The following FSTL4 variants were observed in gnomAD, a reference collection of about 807,000 sequenced individuals.
The protein encoded by FSTL4 is follistatin-related protein 4.
Under a neutral mutation model 78.2 loss-of-function variants are expected in FSTL4, and 28 were observed. That is an observed-to-expected ratio of 0.36 (90% CI 0.27 to 0.49). The LOEUF is 0.49. Ranked by LOEUF, FSTL4 falls within the 20% of genes least tolerant of loss-of-function variation. FSTL4 has a pLI of 0.98. For synonymous variants in FSTL4, 422 were observed against 440.5 expected (o/e 0.96, Z 0.53); for missense variants, 922 against 1,084.9 (o/e 0.85, Z 2.11).
At chr5:133,319,198 C>T (rs1252580399) in intron 4 of FSTL4, among the ~76,000 whole-genome samples, 1 of 152,222 alleles carries the variant, frequency 6.6e-6, no homozygotes. Flanking sequence ...GCCCAACAGA[C>T]ACCTTCTGGT....
At chr5:133,445,543 T>C (rs1398744751) in intron 3 of FSTL4, among the ~76,000 whole-genome samples, 1 of 152,170 alleles carries the variant, frequency 6.6e-6, no homozygotes, top group Non-Finnish European at 1.5e-5. Flanking sequence ...AGGCCCTCTG[T>C]TCAAGGACTC....
intron 6 of FSTL4, among the ~76,000 whole-genome samples, chr5:133,279,332 T>A (rs1227807308): frequency 6.6e-6 from 1 of 152,194 alleles, no homozygotes; most frequent in South Asian, 2.1e-4. Context: ...GGTAATGTGC[T>A]CCTTATGAGA....
rs115238694 is a variant in FSTL4 at position 133,245,420 on chromosome 5, G to A, written c.894+3990C>T. The stretch of plus-strand genomic sequence containing the variant: ...TGTCACTCCCCCATCAAACATCTGC[G>A]CTTCCCCACTGCCCACAGGGCAATT... On this transcript the variant is annotated intron_variant, in intron 7 of 15. Coordinates refer to ENST00000265342, the MANE Select transcript of FSTL4 (RefSeq NM_015082.2). Among the ~76,000 whole-genome samples, 819 of 152,320 alleles carry A rather than the reference G, an allele frequency of 5.4e-3. 9 individuals are homozygous for A. Among genetic ancestry groups the A allele is most frequent in the African/African-American group, 0.019 (798 of 41,568 alleles).
intron 3 of FSTL4, among the ~76,000 whole-genome samples, chr5:133,504,487 A>G (rs558342743): frequency 6.6e-6 from 1 of 152,194 alleles, no homozygotes; most frequent in South Asian, 2.1e-4. Flanking sequence ...TTACAACAGA[A>G]TAATCCTTTA....
chr5:133,480,621 A>AGAGCCCTGGTATGGACGCGGTGG (rs1758007372), intron 3 of FSTL4, among the ~76,000 whole-genome samples: 2 of 152,048 alleles, frequency 1.3e-5, no homozygotes, highest in Admixed American at 1.3e-4. Flanking sequence ...AGAGGGTGAC[A>AGAGCCCTGGTATGGACGCGGTGG]GAGCCCTGGT....
chr5:133,450,852 G>A (rs1156541249), intron 3 of FSTL4, among the ~76,000 whole-genome samples: 1 of 152,188 alleles, frequency 6.6e-6, no homozygotes, highest in African/African-American at 2.4e-5. Flanking sequence ...CAGGGCTGCA[G>A]ACCAATGGGG....
the FSTL4 span, among the ~76,000 whole-genome samples, chr5:133,778,497 C>A: frequency 6.6e-6 from 1 of 152,216 alleles, no homozygotes; most frequent in Non-Finnish European, 1.5e-5. Flanking sequence ...GACTCCAACT[C>A]AACCCAATTG....
At chr5:133,701,503 A>AC in the FSTL4 span, among the ~76,000 whole-genome samples, 1 of 129,738 alleles carries the variant, frequency 7.7e-6, no homozygotes, top group Non-Finnish European at 1.7e-5. Flanking sequence ...ACACACACAC[A>AC]CACACACCCC....
chr5:133,285,825 T>TC (rs777456236), intron 6 of FSTL4, among the ~76,000 whole-genome samples: 32 of 152,336 alleles, frequency 2.1e-4, no homozygotes, highest in Non-Finnish European at 4.1e-4. Context: ...TCCATAAACC[T>TC]CAGGATGGGC....
intron 3 of FSTL4, among the ~76,000 whole-genome samples, chr5:133,416,890 C>T (rs962075594): frequency 1.3e-5 from 2 of 152,128 alleles, no homozygotes; most frequent in African/African-American, 4.8e-5. Context: ...TTCTTTCTAT[C>T]GAGGACATAT....
At chr5:133,370,079 C>A (rs1313444369) in intron 4 of FSTL4, among the ~76,000 whole-genome samples, 1 of 152,184 alleles carries the variant, frequency 6.6e-6, no homozygotes. Context: ...GGCCACCCAG[C>A]TCTTACTGTT....
the FSTL4 span, among the ~76,000 whole-genome samples, chr5:133,823,182 G>C: frequency 1.3e-5 from 2 of 152,174 alleles, no homozygotes; most frequent in Admixed American, 6.5e-5. Flanking sequence ...GCCCAGAGCT[G>C]GTCACCACCA....
chr5:133,470,634 A>G (rs553085818), intron 3 of FSTL4, among the ~76,000 whole-genome samples: 328 of 152,144 alleles, frequency 2.2e-3, no homozygotes, highest in Middle Eastern at 0.01. Flanking sequence ...AATCACAGCT[A>G]CTCAGGAGGC....
intron 11 of FSTL4, among the ~76,000 whole-genome samples, chr5:133,221,900 T>TTTTTG (rs1751128470): frequency 4.3e-5 from 4 of 92,892 alleles, no homozygotes; most frequent in African/African-American, 2.9e-4. Flanking sequence ...AGTTTTTTTT[T>TTTTTG]TTTTTTTTTT....
At chr5:133,335,801 C>G (rs968356734) in intron 4 of FSTL4, among the ~76,000 whole-genome samples, 5 of 152,032 alleles carry the variant, frequency 3.3e-5, no homozygotes, top group Middle Eastern at 6.4e-3. Context: ...GGCCCTGATG[C>G]ACCAACACTG....
At chr5:133,238,750 T>G (rs973288172) in intron 7 of FSTL4, among the ~76,000 whole-genome samples, 1 of 152,260 alleles carries the variant, frequency 6.6e-6, no homozygotes, top group African/African-American at 2.4e-5. Flanking sequence ...TCCCTAGTGC[T>G]GACCTTCCCG....
chr5:133,781,368 TGTGTGTG>T, the FSTL4 span, among the ~76,000 whole-genome samples: 2 of 640 alleles, frequency 3.1e-3, no homozygotes, highest in East Asian at 0.038. Context: ...TAAGCGGTTG[TGTGTGTG>T]TGTGTGTGTG....
chr5:133,667,967 A>T, the FSTL4 span, among the ~76,000 whole-genome samples: 1 of 152,218 alleles, frequency 6.6e-6, no homozygotes, highest in African/African-American at 2.4e-5. Flanking sequence ...GTTTGGCTAA[A>T]TTAGGGACTC....
chr5:133,598,359 C>T (rs886975149), intron 2 of FSTL4, among the ~76,000 whole-genome samples: 4 of 146,564 alleles, frequency 2.7e-5, no homozygotes, highest in Non-Finnish European at 4.6e-5. Flanking sequence ...TGCATTTTAA[C>T]AAGATCCCAG....
Sources: allele counts gnomAD v4.1 joint callset (sites outside exome capture counted in the v4.1 genomes callset), GRCh38; gene constraint gnomAD v4.1.1; transcripts MANE v1.5; gene names NCBI Gene and HGNC (gene_info 2026-07-23, HGNC 2026-07-21).